EVC: variants seen among roughly 807,000 people sequenced by gnomAD.
The protein encoded by EVC is EvC ciliary complex subunit 1.
In EVC, 116 loss-of-function variants were observed where a neutral mutation model predicts 118.9. The ratio of observed to expected loss-of-function variants is 0.98; its 90% CI spans 0.84 to 1.14. The LOEUF is 1.14. EVC is among the 50% of genes most tolerant of loss of function. The pLI, the probability that EVC is intolerant of heterozygous loss-of-function variation, is 0.00. For synonymous variants in EVC, 619 were observed against 534.7 expected (o/e 1.16, Z -2.18); for missense variants, 1,401 against 1,246.4 (o/e 1.12, Z -1.87).
chr4:5,798,101 G>T lies in EVC; in HGVS notation c.2098-485G>T, dbSNP rs765210926. ...GGCAGGACTCACGGACCTCGCTACA[G>T]CCCCGCTCACTTCTTTCTCTCTTAT... On this transcript the variant is annotated intron_variant, in intron 14 of 20. Transcript: ENST00000264956. This position sits in a 1 kb window ranked among gnomAD's most constrained non-coding sequence, Gnocchi z 4.1. Among the ~76,000 whole-genome samples, 3 of 152,152 alleles carry T rather than the reference G, an allele frequency of 2.0e-5. No homozygotes were observed. The highest frequency in any genetic ancestry group is 4.4e-5 in the Non-Finnish European group (3 of 68,020).
rs1724634336 is a variant in EVC, at chr4:5,719,741, T to C, written c.300+368T>C. Among the ~76,000 whole-genome samples, 1 of 152,198 alleles carries C rather than the reference T, an allele frequency of 6.6e-6. No individual in the cohort carries two copies. The highest frequency in any genetic ancestry group is 6.5e-5 in the Admixed American group (1 of 15,280). ...TTATGCAAATGGAATTGTGCTGTTC[T>C]GTGCCTGTGTTCCCTCCACAGAATG... On this transcript the variant is annotated intron_variant, in intron 2 of 20. Transcript: ENST00000264956. The surrounding 1 kb of genome is among the most constrained non-coding windows in gnomAD (Gnocchi z 4.7).
At chr4:5,759,628 AG>A (rs1315793159) in intron 11 of EVC, among the ~76,000 whole-genome samples, 1 of 152,242 alleles carries the variant, frequency 6.6e-6, no homozygotes, top group Non-Finnish European at 1.5e-5. Flanking sequence ...ATCAAGATTA[AG>A]GAAATTGAGG....
At chr4:5,763,303 G>A (rs954388818) in intron 11 of EVC, among the ~76,000 whole-genome samples, 15 of 146,714 alleles carry the variant, frequency 1.0e-4, no homozygotes, top group African/African-American at 3.6e-4. Flanking sequence ...GGTTACTGTA[G>A]CCTTGTAGTA....
intron 8 of EVC, among the ~76,000 whole-genome samples, chr4:5,750,930 G>A (rs147773212): frequency 3.4e-4 from 51 of 152,210 alleles, no homozygotes; most frequent in African/African-American, 1.2e-3. Context: ...TTCCCAGGGC[G>A]GCATCCCATC....
chr4:5,762,058 C>T (rs1176347926), intron 11 of EVC, among the ~76,000 whole-genome samples: 3 of 111,030 alleles, frequency 2.7e-5, no homozygotes, highest in Non-Finnish European at 3.7e-5. Context: ...CCCCCACCCC[C>T]ACCCCACATC....
At chr4:5,736,246 G>A (rs1277846245) in intron 5 of EVC, among the ~76,000 whole-genome samples, 2 of 152,074 alleles carry the variant, frequency 1.3e-5, no homozygotes, top group Admixed American at 6.5e-5. Flanking sequence ...CTGCACTTAC[G>A]TGAATCTATA....
rs1201334858 is a variant in EVC, at chr4:5,713,733, A to G, written c.174+2179A>G. On this transcript the variant is annotated intron_variant, in intron 1 of 20. Coordinates refer to ENST00000264956, the MANE Select transcript of EVC (RefSeq NM_153717.3). Reference sequence around the variant, plus strand: ...AGCCTGACCAACATAGAGAAACCCTATCTCTACTAAAAATACAAAATTAGC... The same window carrying G: ...AGCCTGACCAACATAGAGAAACCCTGTCTCTACTAAAAATACAAAATTAGC... Among the ~76,000 whole-genome samples the G allele has an allele frequency of 3.4e-5, 5 of 147,148 alleles. No homozygotes were observed. In the East Asian group the frequency reaches 8.0e-4, roughly 23 times the overall value.
intron 5 of EVC, among the ~76,000 whole-genome samples, chr4:5,734,765 G>A (rs10516176): frequency 0.14 from 20,588 of 152,234 alleles, 1,735 homozygotes; most frequent in East Asian, 0.27. Context: ...GTTTGAAACC[G>A]TAAATATGCT....
Position 5,755,334 on chromosome 4 carries a change from G to A in EVC, c.1465-930G>A, listed in dbSNP as rs927420623. On this transcript the variant is annotated intron_variant, in intron 10 of 20. Transcript: ENST00000264956. The surrounding 1 kb of genome is among the most constrained non-coding windows in gnomAD (Gnocchi z 4.1). ...GTCCTCGGAACGCCTCAGCGCTGGC[G>A]TTCAGGACACGTGGGACGCAGGCAG... 1.2e-4 allele frequency among the ~76,000 whole-genome samples: 18 copies of A among 152,160 alleles called. No individual in the cohort carries two copies. The highest frequency in any genetic ancestry group is 9.8e-4 in the Admixed American group (15 of 15,278).
Position 5,781,822 on chromosome 4 carries a change from C to T in EVC, c.1564-1730C>T, listed in dbSNP as rs137863553. On this transcript the variant is annotated intron_variant, in intron 11 of 20. Transcript: ENST00000264956. ...TCCAGCCTGGGCGACAGAGGGAGAT[C>T]CTGTCTCAAAACAAAACAAAAAGCA... Among the ~76,000 whole-genome samples the T allele has an allele frequency of 7.1e-3, 1,076 of 152,138 alleles. 6 individuals are homozygous for T. Among genetic ancestry groups the T allele is most frequent in the Middle Eastern group, 0.017 (5 of 294 alleles).
chr4:5,817,444 G>A (rs987628670), downstream of EVC, among the ~76,000 whole-genome samples: 4 of 152,328 alleles, frequency 2.6e-5, no homozygotes, highest in Middle Eastern at 3.4e-3. Context: ...CCATGCCACA[G>A]CTTTCCTCCT....
rs1729430229 is a variant in EVC at position 5,746,903 on chromosome 4, G to T, written c.940-1245G>T. ...CTTTGCAGAAGCAGGAGAAAATCAT[G>T]TCATGGACGCCAAGAGAATCAGGAG... On this transcript the variant is annotated intron_variant, in intron 7 of 20. Transcript: ENST00000264956. This position sits in a 1 kb window ranked among gnomAD's most constrained non-coding sequence, Gnocchi z 5.8. Among the ~76,000 whole-genome samples, 1 of 152,166 alleles carries T rather than the reference G, an allele frequency of 6.6e-6. No individual in the cohort carries two copies. The highest frequency in any genetic ancestry group is 6.5e-5 in the Admixed American group (1 of 15,276).
chr4:5,828,933 TC>T, the EVC span, among the ~76,000 whole-genome samples: 2 of 144,606 alleles, frequency 1.4e-5, no homozygotes, highest in Non-Finnish European at 3.0e-5. Context: ...AGGAAGGGGG[TC>T]CCCCGGGGTT....
At chr4:5,720,035 T>TA (rs1264725210) in intron 2 of EVC, among the ~76,000 whole-genome samples, 1 of 152,138 alleles carries the variant, frequency 6.6e-6, no homozygotes. Context: ...GAAGAGATGT[T>TA]AAAAAAATTC....
At chr4:5,817,316 G>A (rs1036681645), downstream of EVC, among the ~76,000 whole-genome samples, 20 of 152,204 alleles carry the variant, frequency 1.3e-4, no homozygotes, top group African/African-American at 4.8e-4. Flanking sequence ...GTGGTGTTTG[G>A]CTCCCGTCTG....
rs553232598 is a variant in EVC at position 5,802,057 on chromosome 4, C to T, written c.2412C>T (p.His804=). 88 of 1,614,178 alleles carry T rather than the reference C, an allele frequency of 5.5e-5. No homozygotes were observed. Among genetic ancestry groups the T allele is most frequent in the Non-Finnish European group, 6.6e-5 (78 of 1,180,044 alleles). Residue 804 remains histidine (H), a synonymous_variant, in exon 16 of 21, where the codon CAC becomes CAT. Transcript: ENST00000264956. ...AAATCGGAAGGATCATGGAGGACCA[C>T]GAGGAGAGAAAACTGCAGCACCTGA... is the stretch of plus-strand genomic sequence containing the variant. ...YQQIGRIMED[H]EERKLQHLKT... is the part of the protein sequence containing the mutation.
At chr4:5,779,412 A>ATATT (rs1560393360) in intron 11 of EVC, among the ~76,000 whole-genome samples, 1 of 145,244 alleles carries the variant, frequency 6.9e-6, no homozygotes, top group African/African-American at 2.6e-5. Context: ...ATGGCATTGA[A>ATATT]TCTATAAATT....
downstream of EVC, chr4:5,814,331 C>G (rs115655700): frequency 6.6e-6 from 1 of 152,202 alleles, no homozygotes; most frequent in Non-Finnish European, 1.5e-5. Context: ...TACTTGAGAC[C>G]GCAGGATGAA....
rs1727898339 is a variant in EVC, at chr4:5,737,599, C to T, written c.703-4117C>T. 6.6e-6 allele frequency among the ~76,000 whole-genome samples: 1 copy of T among 152,210 alleles called. No homozygotes were observed. Among genetic ancestry groups the T allele is most frequent in the African/African-American group, 2.4e-5 (1 of 41,442 alleles). ...AGTGCTCATGCACCACTCCGAAAGT[C>T]CTAGGGCCCTTAAGGGTGATGCTAA... On this transcript the variant is annotated intron_variant, in intron 5 of 20. Transcript: ENST00000264956. This position sits in a 1 kb window ranked among gnomAD's most constrained non-coding sequence, Gnocchi z 5.0.
Sources: gnomAD v4.1 joint callset for allele counts (sites outside exome capture counted in the v4.1 genomes callset) on GRCh38, gnomAD v4.1.1 for gene constraint, Gnocchi (gnomAD v3.1) non-coding constraint, MANE v1.5 for transcripts, NCBI Gene and HGNC (gene_info 2026-07-23, HGNC 2026-07-21) for gene names.